The following MDGA2 variants were observed in gnomAD, a reference collection of about 807,000 sequenced individuals.
The protein encoded by MDGA2 is MAM domain containing glycosylphosphatidylinositol anchor 2.
MDGA2 carries 40 observed loss-of-function variants against 117.8 expected under a neutral mutation model. The observed-to-expected ratio is 0.34, with a 90% CI of 0.26 to 0.44. The LOEUF is 0.44. MDGA2 is among the 20% of genes least tolerant of loss of function. The pLI, the probability that MDGA2 is intolerant of heterozygous loss-of-function variation, is 1.00. For synonymous variants in MDGA2, 452 were observed against 439.0 expected (o/e 1.03, Z -0.37); for missense variants, 1,123 against 1,250.6 (o/e 0.90, Z 1.54).
chr14:46,911,580 T>C (rs371517579), intron 10 of MDGA2, among the ~76,000 whole-genome samples: 7 of 152,206 alleles, frequency 4.6e-5, no homozygotes, highest in African/African-American at 1.7e-4. Flanking sequence ...GCTAAACTAA[T>C]AGTCATTTAT....
intron 1 of MDGA2, among the ~76,000 whole-genome samples, chr14:47,435,501 G>C (rs889891136): frequency 1.3e-5 from 2 of 152,074 alleles, no homozygotes; most frequent in African/African-American, 4.8e-5. Context: ...GCATTCTTGA[G>C]CATCAGCAGT....
At chr14:47,098,574 G>T (rs1372056330) in intron 5 of MDGA2, among the ~76,000 whole-genome samples, 1 of 151,528 alleles carries the variant, frequency 6.6e-6, no homozygotes, top group African/African-American at 2.4e-5. Flanking sequence ...AACTGATGGA[G>T]GACAGTACTA....
rs147148819 is a variant in MDGA2, at chr14:46,968,467, G to C, written c.1820-10824C>G. 1.5e-3 allele frequency among the ~76,000 whole-genome samples: 231 copies of C among 152,224 alleles called. 2 individuals are homozygous for C. In the Middle Eastern group the frequency reaches 0.017, roughly 11 times the overall value. ...TAAAAAGCATCTACATTAAAAAAAT[G>C]AAGTCAAAGTGTCCCTCTTTGCTGA... On this transcript the variant is annotated intron_variant, in intron 8 of 16. Transcript: ENST00000399232.
intron 1 of MDGA2, among the ~76,000 whole-genome samples, chr14:47,614,508 C>A (rs1206611327): frequency 1.3e-5 from 2 of 152,156 alleles, no homozygotes; most frequent in East Asian, 3.9e-4. Context: ...TTTCCACACT[C>A]GTGCTAACTC....
At chr14:47,422,553 A>G (rs1892601359) in intron 1 of MDGA2, among the ~76,000 whole-genome samples, 1 of 152,220 alleles carries the variant, frequency 6.6e-6, no homozygotes, top group Non-Finnish European at 1.5e-5. Context: ...GTATATTTAC[A>G]TTGAATAAAG....
intron 2 of MDGA2, among the ~76,000 whole-genome samples, chr14:47,234,237 A>T (rs1239997155): frequency 2.0e-5 from 3 of 150,200 alleles, no homozygotes; most frequent in Admixed American, 6.7e-5. Flanking sequence ...AAATGTAAAT[A>T]TTCATATTAT....
chr14:47,081,328 T>C (rs1355668725), intron 6 of MDGA2, among the ~76,000 whole-genome samples: 1 of 152,126 alleles, frequency 6.6e-6, no homozygotes, highest in Non-Finnish European at 1.5e-5. Flanking sequence ...AACTTAATGA[T>C]AAGATGTCTC....
At chr14:47,562,837 T>C (rs1408762031) in intron 1 of MDGA2, among the ~76,000 whole-genome samples, 1 of 152,116 alleles carries the variant, frequency 6.6e-6, no homozygotes, top group Non-Finnish European at 1.5e-5. Flanking sequence ...AATTTGAGAC[T>C]CTGCTATCTT....
At chr14:47,050,079 G>C (rs1447034107) in intron 7 of MDGA2, among the ~76,000 whole-genome samples, 1 of 151,964 alleles carries the variant, frequency 6.6e-6, no homozygotes, top group East Asian at 1.9e-4. Context: ...ACATTTCTCA[G>C]AGTGTATCTC....
At chr14:47,574,213 A>C (rs924312398) in intron 1 of MDGA2, among the ~76,000 whole-genome samples, 4 of 152,182 alleles carry the variant, frequency 2.6e-5, no homozygotes, top group African/African-American at 9.7e-5. Context: ...GTCCTTGCTG[A>C]AGATCAGCAA....
At chr14:47,059,366 C>A in intron 7 of MDGA2, 1 of 1,243,964 alleles carries the variant, frequency 8.0e-7, no homozygotes, top group Non-Finnish European at 1.1e-6. Flanking sequence ...TTTCTTTTAT[C>A]TCCAATAGTG....
chr14:47,048,908 A>G (rs1396764989), intron 7 of MDGA2, among the ~76,000 whole-genome samples: 1 of 152,152 alleles, frequency 6.6e-6, no homozygotes, highest in African/African-American at 2.4e-5. Context: ...GAAGTTTACA[A>G]TAAACATATG....
chr14:47,079,254 A>G (rs1187226051), intron 6 of MDGA2, among the ~76,000 whole-genome samples: 1 of 152,166 alleles, frequency 6.6e-6, no homozygotes, highest in East Asian at 1.9e-4. Context: ...TCATTAATAG[A>G]TTGAGAGATC....
chr14:47,609,444 T>C (rs183590148), intron 1 of MDGA2, among the ~76,000 whole-genome samples: 498 of 78,566 alleles, frequency 6.3e-3, no homozygotes, highest in East Asian at 0.013. Context: ...TATATATATA[T>C]ATATATATAT....
intron 1 of MDGA2, among the ~76,000 whole-genome samples, chr14:47,492,129 C>T (rs566542152): frequency 1.6e-4 from 25 of 152,174 alleles, no homozygotes; most frequent in Admixed American, 5.2e-4. Flanking sequence ...TTCCTCATTC[C>T]AAGAACCCTC....
In MDGA2 at chr14:47,556,165, G is replaced by A. The variant is rs910014593; in HGVS notation, c.280+118352C>T. Among the ~76,000 whole-genome samples the A allele has an allele frequency of 3.3e-5, 5 of 152,040 alleles. No individual in the cohort carries two copies. In the South Asian group the frequency reaches 1.0e-3, roughly 32 times the overall value. On this transcript the variant is annotated intron_variant, in intron 1 of 16. Transcript: ENST00000399232. ...AGCATCAGACCTTAGGTTGTGCCTG[G>A]CTTCTAAGTTGGTTCTGTCATTGCA...
rs565873923 is a variant in MDGA2, at chr14:47,311,207, T to C, written c.281-9657A>G. On this transcript the variant is annotated intron_variant, in intron 1 of 16. Coordinates refer to ENST00000399232, the MANE Select transcript of MDGA2 (RefSeq NM_001113498.3). ...GAAACATCCACAAAGCCCCAGCAAA[T>C]ACTAACCAAAATGAAATTAGTCTTA... Among the ~76,000 whole-genome samples the C allele has an allele frequency of 1.4e-4, 22 of 152,240 alleles. 1 individual carries two copies. The highest frequency in any genetic ancestry group is 3.4e-3 in the Middle Eastern group (1 of 294).
At chr14:47,311,013 T>C (rs1889616777) in intron 1 of MDGA2, among the ~76,000 whole-genome samples, 1 of 152,148 alleles carries the variant, frequency 6.6e-6, no homozygotes, top group Non-Finnish European at 1.5e-5. Context: ...CAATGAACTC[T>C]TCAAGGTTCT....
intron 2 of MDGA2, among the ~76,000 whole-genome samples, chr14:47,289,767 A>T (rs1888816871): frequency 6.6e-6 from 1 of 152,148 alleles, no homozygotes; most frequent in South Asian, 2.1e-4. Context: ...CTCTTGTAGT[A>T]AAACAATGGT....
Sources: allele counts gnomAD v4.1 joint callset (sites outside exome capture counted in the v4.1 genomes callset), GRCh38; gene constraint gnomAD v4.1.1; transcripts MANE v1.5; gene names NCBI Gene and HGNC (gene_info 2026-07-23, HGNC 2026-07-21).